Variants in CCDC13 observed in about 807,000 individuals in gnomAD.
CCDC13 encodes the protein coiled-coil domain-containing protein 13.
A neutral mutation model predicts 87.3 loss-of-function variants in CCDC13; 70 were observed. The ratio of observed to expected loss-of-function variants is 0.80; its 90% CI spans 0.66 to 0.98. The LOEUF is 0.98. Ranked by LOEUF, CCDC13 falls within the 50% of genes least tolerant of loss-of-function variation. The pLI, the probability that CCDC13 is intolerant of heterozygous loss-of-function variation, is 0.00. For synonymous variants in CCDC13, 317 were observed against 360.3 expected (o/e 0.88, Z 1.36); for missense variants, 842 against 892.0 (o/e 0.94, Z 0.71).
At chr3:42,733,806 G>C (rs534898602) in intron 10 of CCDC13, 197 bp from the exon 11 acceptor site, 47 of 242,032 alleles carry the variant, frequency 1.9e-4, no homozygotes, top group African/African-American at 1.1e-3. Context: ...TCTTCAGAAA[G>C]AAAGCTACAT....
intron 11 of CCDC13, 25 bp downstream of exon 11, chr3:42,733,445 C>T: frequency 1.2e-6 from 2 of 1,613,354 alleles, no homozygotes; most frequent in East Asian, 2.2e-5. Context: ...CACTTTCCAA[C>T]CCCTCCCTCC....
chr3:42,769,784 G>A (rs1246609990), intron 1 of CCDC13, among the ~76,000 whole-genome samples: 2 of 152,260 alleles, frequency 1.3e-5, no homozygotes, highest in African/African-American at 4.8e-5. Flanking sequence ...GTGGGTGTGG[G>A]CTCCGCAGGC....
intron 13 of CCDC13, 42 bp from the exon 14 acceptor site, chr3:42,713,358 CA>C: frequency 2.5e-6 from 4 of 1,605,832 alleles, no homozygotes; most frequent in Non-Finnish European, 3.4e-6. Flanking sequence ...CCCTGGCAGG[CA>C]GGGGCAGGCC....
At chr3:42,725,681 C>T (rs555473426) in intron 13 of CCDC13, among the ~76,000 whole-genome samples, 2 of 152,234 alleles carry the variant, frequency 1.3e-5, no homozygotes, top group South Asian at 4.1e-4. Context: ...GGGCAGCATT[C>T]ATGTGTTCAG....
chr3:42,730,872 C>A (rs933582543), intron 12 of CCDC13, among the ~76,000 whole-genome samples: 35 of 152,276 alleles, frequency 2.3e-4, no homozygotes, highest in South Asian at 1.9e-3. Context: ...TAGTCTGGTG[C>A]TGTGGCAGGT....
In CCDC13 at chr3:42,746,011, A is replaced by C; in HGVS notation, c.737T>G (p.Val246Gly). Residue 246 changes from valine (V) to glycine (G), a missense_variant, in exon 7 of 16, where the codon GTT becomes GGT. Val to Gly is a moderately radical substitution (Grantham distance 109). Coordinates refer to ENST00000310232, the MANE Select transcript of CCDC13 (RefSeq NM_144719.4). Reference sequence around the variant, plus strand: ...CTGCTGAACGTTGATGTCTTCCCCAACCTCTCTGGCCAAAACCTGAAATAA... The same window carrying C: ...CTGCTGAACGTTGATGTCTTCCCCACCCTCTCTGGCCAAAACCTGAAATAA... ...RMAQKVLARE[V>G]GEDINVQQLL... 1.9e-6 allele frequency: 3 copies of C among 1,613,956 alleles called. No homozygotes were observed. The highest frequency in any genetic ancestry group is 2.5e-6 in the Non-Finnish European group (3 of 1,179,968).
chr3:42,705,630 A>G (rs1008715212), downstream of CCDC13, among the ~76,000 whole-genome samples: 2 of 152,116 alleles, frequency 1.3e-5, no homozygotes, highest in Non-Finnish European at 2.9e-5. Context: ...CTCCTCGTGG[A>G]TCTGGCCAGG....
In CCDC13 at chr3:42,708,227, G is replaced by A. The variant is rs1698220884; in HGVS notation, c.*753C>T. The A allele has an allele frequency of 6.6e-6, 1 of 152,116 alleles. No individual in the cohort carries two copies. Among genetic ancestry groups the A allele is most frequent in the African/African-American group, 2.4e-5 (1 of 41,386 alleles). 9.4% of individuals were successfully genotyped at this position (152,116 alleles called of 1,614,324 possible). A position where few individuals can be genotyped will look rare whatever the true frequency, so the allele number is the denominator to read the frequency against. ...GGTAATCTCTGAACGGCAAGACCCTGGTTTTGGGGTCAGGCAGACTGCAGT... is the reference window on the plus strand; with the variant it reads ...GGTAATCTCTGAACGGCAAGACCCTAGTTTTGGGGTCAGGCAGACTGCAGT... On this transcript the variant is annotated 3_prime_UTR_variant, in exon 16 of 16. Coordinates refer to ENST00000310232, the MANE Select transcript of CCDC13 (RefSeq NM_144719.4).
chr3:42,718,808 C>T (rs1698491330), intron 13 of CCDC13, among the ~76,000 whole-genome samples: 1 of 152,004 alleles, frequency 6.6e-6, no homozygotes, highest in Non-Finnish European at 1.5e-5. Flanking sequence ...GGAGAACCCC[C>T]CAACCCAAAG....
chr3:42,736,890 C>T (rs1320298801), intron 9 of CCDC13, among the ~76,000 whole-genome samples: 2 of 152,056 alleles, frequency 1.3e-5, no homozygotes, highest in Non-Finnish European at 2.9e-5. Context: ...TATGGCCTTA[C>T]TAATCAAGGA....
chr3:42,735,405 G>C lies in CCDC13; in HGVS notation c.1371+302C>G, dbSNP rs1263753043. 2.0e-5 allele frequency among the ~76,000 whole-genome samples: 3 copies of C among 152,298 alleles called. No individual in the cohort carries two copies. In the East Asian group the frequency reaches 5.8e-4, roughly 29 times the overall value. On this transcript the variant is annotated intron_variant, in intron 10 of 15. Coordinates refer to ENST00000310232, the MANE Select transcript of CCDC13 (RefSeq NM_144719.4). ...CTGCTGGAGCTACTGCCACCATCTT[G>C]AATCCTGAGGATAAGGCCACAGCTG...
chr3:42,727,924 A>G (rs1698726709), intron 13 of CCDC13, among the ~76,000 whole-genome samples: 1 of 152,240 alleles, frequency 6.6e-6, no homozygotes, highest in African/African-American at 2.4e-5. Flanking sequence ...AGAAAATATT[A>G]ATTAAAGTGA....
At chr3:42,768,488 G>C (rs1351650053) in intron 1 of CCDC13, among the ~76,000 whole-genome samples, 3 of 152,050 alleles carry the variant, frequency 2.0e-5, no homozygotes, top group Admixed American at 6.5e-5. Flanking sequence ...CCTGAGGTCA[G>C]GAGTTTGAGA....
At chr3:42,718,148 G>A (rs1313621229) in intron 13 of CCDC13, 1 of 152,200 alleles carries the variant, frequency 6.6e-6, no homozygotes, top group Non-Finnish European at 1.5e-5. Flanking sequence ...CTAAGTCACA[G>A]GATGAGATAG....
chr3:42,752,621 G>A lies in CCDC13; in HGVS notation c.467C>T (p.Thr156Ile). The change falls in exon 4 of 16, where the codon ACC (threonine) becomes ATC (isoleucine). Residue 156 changes from threonine to isoleucine, a missense_variant. Physicochemically the swap from Thr to Ile is moderately conservative, Grantham distance 89 (BLOSUM62 -1). Coordinates refer to ENST00000310232, the MANE Select transcript of CCDC13 (RefSeq NM_144719.4). ...GCGATTGGTCAGCTGCTTCACCCTG[G>A]TTTTTGCACCCTCTGATTCTGCCAT... Reference protein sequence around the residue: ...LLMAESEGAKTRVKQLTNRIQ... With the variant: ...LLMAESEGAKIRVKQLTNRIQ... 1.2e-6 allele frequency: 2 copies of A among 1,614,148 alleles called. No individual in the cohort carries two copies. The highest frequency in any genetic ancestry group is 8.5e-7 in the Non-Finnish European group (1 of 1,180,032).
intron 9 of CCDC13, among the ~76,000 whole-genome samples, chr3:42,736,389 A>G (rs1001153528): frequency 6.6e-6 from 1 of 152,120 alleles, no homozygotes; most frequent in African/African-American, 2.4e-5. Flanking sequence ...CAGAAAGGAC[A>G]ATGTCAGTGA....
In CCDC13 at chr3:42,706,695, CCT is replaced by C. The variant is rs1310101623; in HGVS notation, c.*2283_*2284del. ...CTGCCTGTCTGCAGTTTTTCTTTCC[CCT>C]CTCTCTTATATAACTCTTGTTGAAA... On this transcript the variant is annotated 3_prime_UTR_variant, in exon 16 of 16. Coordinates refer to ENST00000310232, the MANE Select transcript of CCDC13 (RefSeq NM_144719.4). 6.6e-6 allele frequency: 1 copy of C among 152,200 alleles called. No homozygotes were observed. The highest frequency in any genetic ancestry group is 2.4e-5 in the African/African-American group (1 of 41,440). The allele number at this position is 152,200 out of a possible 1,614,324, so 9.4% of individuals were successfully genotyped here.
intron 13 of CCDC13, 134 bp downstream of exon 13, chr3:42,730,333 G>T (rs1284566963): frequency 1.6e-6 from 2 of 1,285,914 alleles, no homozygotes; most frequent in Non-Finnish European, 2.1e-6. Context: ...CGCATGAGTT[G>T]TGGCTAGGAA....
intron 8 of CCDC13, among the ~76,000 whole-genome samples, chr3:42,740,579 T>C (rs1427404834): frequency 6.6e-6 from 1 of 152,168 alleles, no homozygotes; most frequent in Non-Finnish European, 1.5e-5. Flanking sequence ...TGACAAATGC[T>C]AATTTGAAAG....
Sources: gnomAD v4.1 joint callset for allele counts (sites outside exome capture counted in the v4.1 genomes callset) on GRCh38, gnomAD v4.1.1 for gene constraint, MANE v1.5 for transcripts, NCBI Gene and HGNC (gene_info 2026-07-23, HGNC 2026-07-21) for gene names.